GLG1: variants seen among roughly 807,000 people sequenced by gnomAD.
GLG1 encodes golgi glycoprotein 1.
A neutral mutation model predicts 160.5 loss-of-function variants in GLG1; 38 were observed. That is an observed-to-expected ratio of 0.24 (90% CI 0.18 to 0.31). The LOEUF is 0.31. Ranked by LOEUF, GLG1 falls within the 10% of genes least tolerant of loss-of-function variation. The probability of loss-of-function intolerance (pLI) is 1.00; values close to 1 mark genes in which losing one functional copy is unlikely to be tolerated. For synonymous variants in GLG1, 644 were observed against 543.4 expected (o/e 1.19, Z -2.57); for missense variants, 1,373 against 1,505.2 (o/e 0.91, Z 1.45).
chr16:74,485,833 G>A lies in GLG1; in HGVS notation c.1534C>T (p.Gln512Ter). ...GATCTTATATGTTTGCAGGCTGTCT[G>A]GATTACAGATTCACAAGCTTCATTC... ...ALNEACESVIQTACKHIRSGD... is the reference protein window; with the variant it reads ...ALNEACESVI The change falls in exon 9 of 26, where the codon CAG becomes TAG. Residue 512 changes from glutamine to a stop codon, truncating the protein, a stop_gained. Transcript: ENST00000422840. LOFTEE classifies it high-confidence loss of function. The A allele has an allele frequency of 6.2e-7, 1 of 1,612,916 alleles. No homozygotes were observed. Among genetic ancestry groups the A allele is most frequent in the Non-Finnish European group, 8.5e-7 (1 of 1,178,942 alleles).
intron 1 of GLG1, among the ~76,000 whole-genome samples, chr16:74,579,435 C>T (rs1026351186): frequency 6.6e-6 from 1 of 151,804 alleles, no homozygotes; most frequent in East Asian, 1.9e-4. Flanking sequence ...AAACAAAAAA[C>T]CCTTGGCCAG....
chr16:74,564,644 T>C (rs1262958962), intron 1 of GLG1, among the ~76,000 whole-genome samples: 1 of 152,116 alleles, frequency 6.6e-6, no homozygotes, highest in African/African-American at 2.4e-5. Context: ...TAAGTTTCAG[T>C]AACACTCACA....
intron 1 of GLG1, among the ~76,000 whole-genome samples, chr16:74,577,191 G>A (rs1388945076): frequency 6.6e-6 from 1 of 152,032 alleles, no homozygotes; most frequent in Admixed American, 6.5e-5. Context: ...CTCCCAAAGT[G>A]CTGCAAATAC....
chr16:74,558,814 T>A (rs148811326), intron 1 of GLG1, among the ~76,000 whole-genome samples: 116 of 152,354 alleles, frequency 7.6e-4, no homozygotes, highest in African/African-American at 2.6e-3. Flanking sequence ...AAACATTTAA[T>A]TATGGCTTAC....
At chr16:74,555,038 CAT>C (rs977923091) in intron 1 of GLG1, among the ~76,000 whole-genome samples, 1 of 152,154 alleles carries the variant, frequency 6.6e-6, no homozygotes, top group Non-Finnish European at 1.5e-5. Flanking sequence ...ATAATAAAAA[CAT>C]ATAATTGCCT....
chr16:74,599,446 G>GGT (rs1267993411), intron 1 of GLG1, among the ~76,000 whole-genome samples: 3 of 152,150 alleles, frequency 2.0e-5, no homozygotes, highest in East Asian at 3.9e-4. Context: ...GGCCAGGAGC[G>GGT]GTGGCTCACG....
At chr16:74,492,846 T>C (rs1286716932) in intron 7 of GLG1, 111 bp downstream of exon 7, 3 of 507,252 alleles carry the variant, frequency 5.9e-6, no homozygotes, top group South Asian at 6.2e-5. Flanking sequence ...AAAAGAAAAA[T>C]ACTCAAAGAA....
intron 11 of GLG1, 21 bp from the exon 12 acceptor site, chr16:74,477,554 T>C (rs1015169896): frequency 6.2e-7 from 1 of 1,601,104 alleles, no homozygotes; most frequent in Admixed American, 1.7e-5. Flanking sequence ...AAAAATGAGC[T>C]AAATACTTGA....
chr16:74,459,983 G>A (rs1442433218), intron 22 of GLG1, among the ~76,000 whole-genome samples, 194 bp from the exon 23 acceptor site: 1 of 151,524 alleles, frequency 6.6e-6, no homozygotes, highest in Non-Finnish European at 1.5e-5. Context: ...AGCCTCTTGA[G>A]TAGCTGGGAC....
chr16:74,499,925 C>T (rs2016345967), intron 4 of GLG1, among the ~76,000 whole-genome samples: 1 of 152,100 alleles, frequency 6.6e-6, no homozygotes, highest in South Asian at 2.1e-4. Flanking sequence ...ATGGCATGAA[C>T]CTGGGAGGCG....
Position 74,512,174 on chromosome 16 carries a change from T to TTTTC in GLG1, c.472-3250_472-3249insGAAA, listed in dbSNP as rs1344426034. On this transcript the variant is annotated intron_variant, in intron 2 of 25. Coordinates refer to ENST00000422840, the MANE Select transcript of GLG1 (RefSeq NM_001145667.2). Reference sequence around the variant, plus strand: ...GTCTTTTATTTCTTTTTTTTTTTTTTCTCAGACGGAGTCTTGCTCTGTCAC... The same window carrying TTTTC: ...GTCTTTTATTTCTTTTTTTTTTTTTTTTTCCTCAGACGGAGTCTTGCTCTGTCAC... Among the ~76,000 whole-genome samples, 7 of 149,802 alleles carry TTTTC rather than the reference T, an allele frequency of 4.7e-5. No homozygotes were observed. In the South Asian group the frequency reaches 1.1e-3, roughly 23 times the overall value.
At chr16:74,581,179 G>C (rs1173629555) in intron 1 of GLG1, among the ~76,000 whole-genome samples, 2 of 152,120 alleles carry the variant, frequency 1.3e-5, no homozygotes, top group African/African-American at 2.4e-5. Flanking sequence ...GTCTCAAAGA[G>C]ATATTTGTAT....
chr16:74,500,122 G>A (rs769941295), intron 4 of GLG1, among the ~76,000 whole-genome samples: 16 of 152,080 alleles, frequency 1.1e-4, no homozygotes, highest in Non-Finnish European at 2.2e-4. Context: ...CGGAGTCTCT[G>A]AGCTTTTAGT....
At chr16:74,550,793 G>A (rs2018177734) in intron 1 of GLG1, among the ~76,000 whole-genome samples, 1 of 152,042 alleles carries the variant, frequency 6.6e-6, no homozygotes, top group Non-Finnish European at 1.5e-5. Flanking sequence ...TAAATATAAA[G>A]GTGAAATATA....
chr16:74,591,340 A>T (rs573538497), intron 1 of GLG1, among the ~76,000 whole-genome samples: 1 of 146,420 alleles, frequency 6.8e-6, no homozygotes, highest in East Asian at 2.1e-4. Context: ...CAAAAAAAAA[A>T]AATAAAGGCC....
intron 1 of GLG1, among the ~76,000 whole-genome samples, chr16:74,605,196 C>T (rs878930029): frequency 7.2e-5 from 11 of 152,072 alleles, no homozygotes; most frequent in Admixed American, 3.3e-4. Context: ...CCCCAACCCC[C>T]CAAAACCCCC....
At chr16:74,583,066 G>C (rs923288796) in intron 1 of GLG1, among the ~76,000 whole-genome samples, 1 of 151,744 alleles carries the variant, frequency 6.6e-6, no homozygotes, top group Non-Finnish European at 1.5e-5. Context: ...AAATCTTCTT[G>C]TAACTCCCAA....
At chr16:74,562,092 T>C (rs563496000) in intron 1 of GLG1, among the ~76,000 whole-genome samples, 32 of 152,358 alleles carry the variant, frequency 2.1e-4, no homozygotes, top group African/African-American at 7.7e-4. Context: ...GCTATAACAG[T>C]AGCTAAAAGG....
In GLG1 at chr16:74,467,868, T is replaced by G; in HGVS notation, c.2437-20A>C. On this transcript the variant is annotated intron_variant, in intron 17 of 25. Coordinates refer to ENST00000422840, the MANE Select transcript of GLG1 (RefSeq NM_001145667.2). ...CTCCGTCTGCATGAGGGAGCCAGCA[T>G]GGAAAGGTGAGCTTGGTTTAGGCTG... 6.5e-7 allele frequency: 1 copy of G among 1,544,534 alleles called. No individual in the cohort carries two copies. The highest frequency in any genetic ancestry group is 8.9e-7 in the Non-Finnish European group (1 of 1,119,908).
Sources: allele counts gnomAD v4.1 joint callset (sites outside exome capture counted in the v4.1 genomes callset), GRCh38; gene constraint gnomAD v4.1.1; transcripts MANE v1.5; gene names NCBI Gene and HGNC (gene_info 2026-07-23, HGNC 2026-07-21).